The following TXNDC16 variants were observed in gnomAD, a reference collection of about 807,000 sequenced individuals.
TXNDC16 encodes the protein thioredoxin domain containing 16, also known as thioredoxin domain-containing protein 16.
TXNDC16 carries 74 observed loss-of-function variants against 85.6 expected under a neutral mutation model. The ratio of observed to expected loss-of-function variants is 0.86; its 90% CI spans 0.72 to 1.05. TXNDC16 has a LOEUF of 1.05. Ranked by LOEUF, TXNDC16 falls within the 50% of genes least tolerant of loss-of-function variation. The pLI is 0.00. For synonymous variants in TXNDC16, 335 were observed against 326.5 expected (o/e 1.03, Z -0.28); for missense variants, 959 against 947.0 (o/e 1.01, Z -0.17).
At position 52,482,825 on chromosome 14, in the gene TXNDC16, C is replaced by A; in HGVS notation, c.1249G>T (p.Gly417Cys). ...TCCTCTAAAGGCTCATACTCACAAC[C>A]AGCATAGAAGAGTACTATGCTGTCA... ...ASDSIVLFYAGWQAVSMAFLQ... is the reference protein window; with the variant it reads ...ASDSIVLFYACWQAVSMAFLQ... Residue 417 changes from glycine (G) to cysteine (C), a missense_variant, in exon 13 of 21, where the codon GGT becomes TGT. Coordinates refer to ENST00000281741, the MANE Select transcript of TXNDC16 (RefSeq NM_020784.3). The A allele has an allele frequency of 6.3e-7, 1 of 1,595,548 alleles. No individual in the cohort carries two copies. Among genetic ancestry groups the A allele is most frequent in the African/African-American group, 1.4e-5 (1 of 74,028 alleles).
At position 52,495,817 on chromosome 14, in the gene TXNDC16, C is replaced by T. The variant is rs191976073; in HGVS notation, c.757-4812G>A. ...GTTCCAGGTGCAGGTAAGTCCTTTG[C>T]ATACAGCTCCTTGAAAACTATTCCT... On this transcript the variant is annotated intron_variant, in intron 9 of 20. Coordinates refer to ENST00000281741, the MANE Select transcript of TXNDC16 (RefSeq NM_020784.3). 3.1e-3 allele frequency among the ~76,000 whole-genome samples: 477 copies of T among 152,256 alleles called. 2 individuals carry two copies. Among genetic ancestry groups the T allele is most frequent in the Middle Eastern group, 6.8e-3 (2 of 294 alleles).
At chr14:52,499,780 T>C (rs1372762560) in intron 9 of TXNDC16, among the ~76,000 whole-genome samples, 1 of 152,042 alleles carries the variant, frequency 6.6e-6, no homozygotes, top group Non-Finnish European at 1.5e-5. Flanking sequence ...CCCTTAAATA[T>C]ACCAAAATCC....
Position 52,440,633 on chromosome 14 carries a change from T to C in TXNDC16, c.1934A>G (p.Tyr645Cys). ...TACCAGTGTCAATATTGCTTTTTTA[T>C]ACTGAGGATTTACAGTGCCATCACT... The part of the protein sequence containing the change: ...LFSDGTVNPQ[Y>C]KKAILTLVKQ... Residue 645 changes from tyrosine (Y) to cysteine (C), a missense_variant, in exon 19 of 21, where the codon TAT becomes TGT. Physicochemically the swap from Tyr to Cys is radical, Grantham distance 194. Coordinates refer to ENST00000281741, the MANE Select transcript of TXNDC16 (RefSeq NM_020784.3). 3 of 1,610,920 alleles carry C rather than the reference T, an allele frequency of 1.9e-6. No homozygotes were observed. Among genetic ancestry groups the C allele is most frequent in the East Asian group, 2.2e-5 (1 of 44,536 alleles).
At chr14:52,533,255 A>G (rs1300390812) in intron 6 of TXNDC16, among the ~76,000 whole-genome samples, 1 of 152,198 alleles carries the variant, frequency 6.6e-6, no homozygotes, top group African/African-American at 2.4e-5. Context: ...GATGGTGATC[A>G]GACTAGAGCT....
At chr14:52,471,204 C>T (rs2035899126) in intron 14 of TXNDC16, among the ~76,000 whole-genome samples, 1 of 152,190 alleles carries the variant, frequency 6.6e-6, no homozygotes, top group African/African-American at 2.4e-5. Flanking sequence ...CATACCTCTC[C>T]ATTCCCAAGG....
rs370251071 is a variant in TXNDC16, at chr14:52,529,336, G to A, written c.392+7383C>T. 1.2e-4 allele frequency among the ~76,000 whole-genome samples: 18 copies of A among 150,624 alleles called. No individual in the cohort carries two copies. The South Asian group carries it at 2.1e-3, about 17-fold the overall frequency. On this transcript the variant is annotated intron_variant, in intron 6 of 20. Transcript: ENST00000281741. ...GGGGCCTGTTGTGGGGTGGGAGGAG[G>A]GGGGAGGGATAGCATTAGGAGATAT...
Position 52,482,895 on chromosome 14 carries a change from T to C in TXNDC16, c.1179A>G (p.Thr393=). ...TAAATGTTTCTTCTGTTAGTTCCACTGTAAGTTCCAAAGGTAATTTTCTCT... is the reference window on the plus strand; with the variant it reads ...TAAATGTTTCTTCTGTTAGTTCCACCGTAAGTTCCAAAGGTAATTTTCTCT... The part of the protein sequence containing the change: ...DRKRKLPLEL[T]VELTEETFNA... Residue 393 remains threonine (T), a synonymous_variant, in exon 13 of 21, where the codon ACA becomes ACG. Transcript: ENST00000281741. 1 of 1,612,372 alleles carries C rather than the reference T, an allele frequency of 6.2e-7. No individual in the cohort carries two copies. Among genetic ancestry groups the C allele is most frequent in the Non-Finnish European group, 8.5e-7 (1 of 1,179,418 alleles).
rs2034886949 is a variant in TXNDC16, at chr14:52,431,237, T to C, written c.*1067A>G. The C allele has an allele frequency of 6.6e-6, 1 of 152,218 alleles. No homozygotes were observed. The highest frequency in any genetic ancestry group is 1.5e-5 in the Non-Finnish European group (1 of 68,036). The allele number at this position is 152,218 out of a possible 1,614,324, so 9.4% of individuals were successfully genotyped here. On this transcript the variant is annotated 3_prime_UTR_variant, in exon 21 of 21. Transcript: ENST00000281741. ...CTGATTTGTCTGAAGCTTGCAAGGG[T>C]AGATTTCAGAGACGCTTCAGATGAG...
chr14:52,467,215 AAATT>A lies in TXNDC16; in HGVS notation c.1618+2818_1618+2821del, dbSNP rs143635657. On this transcript the variant is annotated intron_variant, in intron 16 of 20. Coordinates refer to ENST00000281741, the MANE Select transcript of TXNDC16 (RefSeq NM_020784.3). Reference sequence around the variant, plus strand: ...GGATAAACGTTAACTATTAGAAAAAAAATTAAGTTGGCACCAACACTCATCCCAT... The same window carrying A: ...GGATAAACGTTAACTATTAGAAAAAAAAGTTGGCACCAACACTCATCCCAT... Among the ~76,000 whole-genome samples, 932 of 152,266 alleles carry A rather than the reference AAATT, an allele frequency of 6.1e-3. 7 individuals carry two copies. Among genetic ancestry groups the A allele is most frequent in the Middle Eastern group, 0.017 (5 of 294 alleles).
At chr14:52,459,208 C>T (rs779946334) in intron 16 of TXNDC16, among the ~76,000 whole-genome samples, 3 of 152,088 alleles carry the variant, frequency 2.0e-5, no homozygotes, top group African/African-American at 4.8e-5. Context: ...TATAGACACA[C>T]ACACATACAT....
chr14:52,547,640 G>A (rs1186964369), intron 1 of TXNDC16, among the ~76,000 whole-genome samples: 1 of 152,140 alleles, frequency 6.6e-6, no homozygotes, highest in Non-Finnish European at 1.5e-5. Context: ...TCTGGTGTGT[G>A]TTTTCCATTC....
intron 9 of TXNDC16, among the ~76,000 whole-genome samples, chr14:52,503,752 A>C (rs551847851): frequency 1.3e-5 from 2 of 152,344 alleles, no homozygotes; most frequent in African/African-American, 4.8e-5. Flanking sequence ...TGAGAGAAGA[A>C]GGCTTCAGAC....
chr14:52,473,886 T>C (rs1370285464), intron 14 of TXNDC16, among the ~76,000 whole-genome samples: 1 of 119,006 alleles, frequency 8.4e-6, no homozygotes, highest in Non-Finnish European at 1.7e-5. Flanking sequence ...TAGGACTAAA[T>C]GCCCAAGGTA....
At chr14:52,483,144 G>C (rs1211812230) in intron 12 of TXNDC16, among the ~76,000 whole-genome samples, 179 bp from the exon 13 acceptor site, 1 of 152,120 alleles carries the variant, frequency 6.6e-6, no homozygotes, top group Non-Finnish European at 1.5e-5. Context: ...CTGACTCTGA[G>C]ATGCTTCCTG....
At chr14:52,541,236 C>CA (rs5808678) in intron 4 of TXNDC16, among the ~76,000 whole-genome samples, 45,017 of 142,210 alleles carry the variant, frequency 0.32, 7,061 homozygotes, top group African/African-American at 0.43. Flanking sequence ...AACTCTGTCT[C>CA]AAAAAAAAAA....
At position 52,436,011 on chromosome 14, in the gene TXNDC16, G is replaced by A. The variant is rs557965444; in HGVS notation, c.2194+3193C>T. Among the ~76,000 whole-genome samples the A allele has an allele frequency of 2.6e-5, 4 of 151,994 alleles. No individual in the cohort carries two copies. The South Asian group carries it at 6.2e-4, about 24-fold the overall frequency. The stretch of plus-strand genomic sequence containing the variant: ...ATAACAAAATGAAATAAAAGAAAAT[G>A]AAAAACAAAGTAGGAGTAATCAAAT... On this transcript the variant is annotated intron_variant, in intron 20 of 20. Transcript: ENST00000281741.
chr14:52,479,021 A>G (rs1042409523), intron 14 of TXNDC16, among the ~76,000 whole-genome samples: 1 of 152,234 alleles, frequency 6.6e-6, no homozygotes, highest in Non-Finnish European at 1.5e-5. Flanking sequence ...ACACAAGTCA[A>G]TAAATGCGAT....
At chr14:52,497,880 C>CCA (rs759679029) in intron 9 of TXNDC16, among the ~76,000 whole-genome samples, 6 of 95,558 alleles carry the variant, frequency 6.3e-5, no homozygotes, top group African/African-American at 2.3e-4. Context: ...GACTCTGTCT[C>CCA]AAAAAAAAAA....
At chr14:52,452,508 C>G (rs920514195) in intron 18 of TXNDC16, among the ~76,000 whole-genome samples, 1 of 152,018 alleles carries the variant, frequency 6.6e-6, no homozygotes, top group African/African-American at 2.4e-5. Context: ...GAACAGAATA[C>G]AGAATGCAGA....
Sources: allele counts gnomAD v4.1 joint callset (sites outside exome capture counted in the v4.1 genomes callset), GRCh38; gene constraint gnomAD v4.1.1; transcripts MANE v1.5; gene names NCBI Gene and HGNC (gene_info 2026-07-23, HGNC 2026-07-21).